Variants in LUZP2 observed in about 807,000 individuals in gnomAD.
LUZP2 encodes leucine zipper protein 2.
A neutral mutation model predicts 51.6 loss-of-function variants in LUZP2; 52 were observed. The ratio of observed to expected loss-of-function variants is 1.01; its 90% CI spans 0.81 to 1.27. The LOEUF is 1.27. Ranked by LOEUF, LUZP2 falls within the 50% of genes most tolerant of loss-of-function variation. The probability of loss-of-function intolerance (pLI) is 0.00; values close to 1 mark genes in which losing one functional copy is unlikely to be tolerated. For missense variants in LUZP2, 436 were observed against 395.4 expected (o/e 1.10, Z -0.87); for synonymous variants, 154 against 137.3 (o/e 1.12, Z -0.85).
At chr11:24,848,223 T>C (rs1346844356) in intron 5 of LUZP2, among the ~76,000 whole-genome samples, 1 of 152,204 alleles carries the variant, frequency 6.6e-6, no homozygotes, top group South Asian at 2.1e-4. Flanking sequence ...TCTATCTATA[T>C]TAAAACATAA....
chr11:24,975,069 A>T (rs1403170375), intron 7 of LUZP2, among the ~76,000 whole-genome samples: 1 of 152,006 alleles, frequency 6.6e-6, no homozygotes, highest in African/African-American at 2.4e-5. Context: ...TAAAATATTA[A>T]TATGTTGATT....
intron 1 of LUZP2, among the ~76,000 whole-genome samples, chr11:24,644,440 G>A (rs561862268): frequency 2.6e-5 from 4 of 151,520 alleles, no homozygotes; most frequent in South Asian, 2.1e-4. Flanking sequence ...CCTCCTGTTC[G>A]TGCTGCATCA....
intron 1 of LUZP2, among the ~76,000 whole-genome samples, chr11:24,532,793 T>G (rs1851051019): frequency 6.6e-6 from 1 of 151,058 alleles, no homozygotes; most frequent in Admixed American, 6.6e-5. Context: ...GTTTCCTAAT[T>G]ATATAAATAC....
intron 1 of LUZP2, among the ~76,000 whole-genome samples, chr11:24,664,593 G>T (rs1006545786): frequency 6.6e-6 from 1 of 152,108 alleles, no homozygotes; most frequent in African/African-American, 2.4e-5. Flanking sequence ...TCCTGGGCTG[G>T]TCCCAGGAAC....
intron 5 of LUZP2, among the ~76,000 whole-genome samples, chr11:24,780,991 A>G (rs764306483): frequency 1.2e-4 from 18 of 152,166 alleles, no homozygotes; most frequent in Non-Finnish European, 2.2e-4. Flanking sequence ...AAAGTCATAT[A>G]GTCAATCATA....
At position 25,079,580 on chromosome 11, in the gene LUZP2, T is replaced by C. The variant is rs893567797; in HGVS notation, c.*922T>C. ...AAAACCAATGTGTTATTGAAACAAA[T>C]CAATGGCAGTGTTAATCCATAAGAG... On this transcript the variant is annotated 3_prime_UTR_variant, in exon 12 of 12. Transcript: ENST00000336930. 6 of 152,090 alleles carry C rather than the reference T, an allele frequency of 3.9e-5. No individual in the cohort carries two copies. Among genetic ancestry groups the C allele is most frequent in the Non-Finnish European group, 7.4e-5 (5 of 67,976 alleles). 9.4% of individuals were successfully genotyped at this position (152,090 alleles called of 1,614,324 possible).
At chr11:24,813,334 G>A (rs921236440) in intron 5 of LUZP2, among the ~76,000 whole-genome samples, 2 of 152,192 alleles carry the variant, frequency 1.3e-5, no homozygotes, top group East Asian at 1.9e-4. Context: ...CCTGAGATGA[G>A]GTAATTTATA....
intron 5 of LUZP2, among the ~76,000 whole-genome samples, chr11:24,765,628 T>C (rs1361547240): frequency 6.7e-6 from 1 of 150,160 alleles, no homozygotes; most frequent in African/African-American, 2.5e-5. Flanking sequence ...TTTTCTTTTT[T>C]CTTTTTTTTT....
rs535229606 is a variant in LUZP2 at position 24,581,133 on chromosome 11, A to G, written c.62+83828A>G. Among the ~76,000 whole-genome samples, 5 of 151,314 alleles carry G rather than the reference A, an allele frequency of 3.3e-5. No homozygotes were observed. In the South Asian group the frequency reaches 1.0e-3, roughly 32 times the overall value. On this transcript the variant is annotated intron_variant, in intron 1 of 11. Coordinates refer to ENST00000336930, the MANE Select transcript of LUZP2 (RefSeq NM_001009909.4). Reference sequence around the variant, plus strand: ...CCCTGTATATAGAAAGCCTAGCACCATTAAATTTCTTCAAAAGTAAAGAAA... The same window carrying G: ...CCCTGTATATAGAAAGCCTAGCACCGTTAAATTTCTTCAAAAGTAAAGAAA...
intron 5 of LUZP2, among the ~76,000 whole-genome samples, chr11:24,862,445 C>T (rs546934672): frequency 5.3e-5 from 8 of 152,282 alleles, no homozygotes; most frequent in Non-Finnish European, 1.0e-4. Context: ...TGCAAAAACA[C>T]ACCAAAATAC....
At chr11:24,867,398 T>G (rs552824407) in intron 5 of LUZP2, among the ~76,000 whole-genome samples, 1 of 152,306 alleles carries the variant, frequency 6.6e-6, no homozygotes, top group East Asian at 1.9e-4. Flanking sequence ...CCTCTGAAGT[T>G]GCTTCTCTGG....
chr11:24,589,863 T>C (rs1043875813), intron 1 of LUZP2, among the ~76,000 whole-genome samples: 1 of 152,190 alleles, frequency 6.6e-6, no homozygotes, highest in Non-Finnish European at 1.5e-5. Flanking sequence ...AAACGGAACA[T>C]TTTCAGTTCT....
At chr11:24,714,615 A>T (rs1857967045) in intron 1 of LUZP2, among the ~76,000 whole-genome samples, 1 of 152,214 alleles carries the variant, frequency 6.6e-6, no homozygotes, top group Non-Finnish European at 1.5e-5. Flanking sequence ...CCAACCCCTA[A>T]CCCATACGTT....
intron 7 of LUZP2, among the ~76,000 whole-genome samples, chr11:24,951,588 A>G (rs982220017): frequency 6.6e-6 from 1 of 151,502 alleles, no homozygotes; most frequent in African/African-American, 2.4e-5. Flanking sequence ...ATTATATTTT[A>G]TCTTCACTCG....
chr11:24,497,075 C>T lies in LUZP2; in HGVS notation c.-169C>T, dbSNP rs1849845748. ...ATCACTCCTGAAGATACTCCTCGCT[C>T]CCAGCGCCTGCCTTCCCCAGGCGTC... On this transcript the variant is annotated 5_prime_UTR_variant, in exon 1 of 12. Transcript: ENST00000336930. The T allele has an allele frequency of 2.0e-6, 1 of 489,252 alleles. No homozygotes were observed. The highest frequency in any genetic ancestry group is 4.3e-5 in the Admixed American group (1 of 23,262). 30.3% of individuals were successfully genotyped at this position (489,252 alleles called of 1,614,324 possible).
At chr11:24,808,088 T>G (rs926024913) in intron 5 of LUZP2, among the ~76,000 whole-genome samples, 2 of 152,114 alleles carry the variant, frequency 1.3e-5, no homozygotes, top group African/African-American at 4.8e-5. Context: ...GTAATAGAAA[T>G]AAGAACAATA....
chr11:24,811,627 G>GT (rs2134137037), intron 5 of LUZP2, among the ~76,000 whole-genome samples: 1 of 151,998 alleles, frequency 6.6e-6, no homozygotes, highest in South Asian at 2.1e-4. Context: ...CTAATAGGTA[G>GT]TTTTTTCAAT....
intron 5 of LUZP2, among the ~76,000 whole-genome samples, chr11:24,769,037 T>C (rs1860300536): frequency 6.6e-6 from 1 of 152,168 alleles, no homozygotes; most frequent in Admixed American, 6.5e-5. Flanking sequence ...ATATAAACAA[T>C]GAAATACTAT....
chr11:24,673,533 A>G (rs1225533740), intron 1 of LUZP2, among the ~76,000 whole-genome samples: 1 of 152,174 alleles, frequency 6.6e-6, no homozygotes, highest in African/African-American at 2.4e-5. Flanking sequence ...TCTCTTCTGT[A>G]TTTGTAATTT....
Sources: allele counts gnomAD v4.1 joint callset (sites outside exome capture counted in the v4.1 genomes callset), GRCh38; gene constraint gnomAD v4.1.1; transcripts MANE v1.5; gene names NCBI Gene and HGNC (gene_info 2026-07-23, HGNC 2026-07-21).